GAK: variants seen among roughly 807,000 people sequenced by gnomAD.
GAK encodes the protein cyclin G associated kinase.
GAK carries 79 observed loss-of-function variants against 143.9 expected under a neutral mutation model. That is an observed-to-expected ratio of 0.55 (90% confidence interval 0.46 to 0.66). GAK has a LOEUF of 0.66. GAK is among the 30% of genes least tolerant of loss of function. The pLI, the probability that GAK is intolerant of heterozygous loss-of-function variation, is 0.00. For synonymous variants in GAK, 881 were observed against 765.5 expected (o/e 1.15, Z -2.49); for missense variants, 1,693 against 1,779.7 (o/e 0.95, Z 0.88).
intron 14 of GAK, 137 bp from the exon 15 acceptor site, chr4:882,177 GGAGCTACATAACGT>G: frequency 1.0e-6 from 1 of 984,046 alleles, no homozygotes; most frequent in South Asian, 1.6e-5. Flanking sequence ...ATATGTTTAG[GGAGCTACATAACGT>G]GCCTGCCGAG....
intron 4 of GAK, among the ~76,000 whole-genome samples, chr4:909,857 G>A (rs1054089754): frequency 6.4e-4 from 97 of 152,262 alleles, no homozygotes; most frequent in African/African-American, 1.1e-3. Flanking sequence ...AAACACAAGC[G>A]GCACATCCCC....
At chr4:894,997 A>ATAAAT (rs1442681842) in intron 7 of GAK, among the ~76,000 whole-genome samples, 1 of 90,926 alleles carries the variant, frequency 1.1e-5, no homozygotes, top group African/African-American at 3.6e-5. Context: ...AAATAAATAA[A>ATAAAT]TAAATAAATA....
chr4:925,035 C>T (rs1200798053), intron 1 of GAK, among the ~76,000 whole-genome samples: 1 of 152,116 alleles, frequency 6.6e-6, no homozygotes, highest in Non-Finnish European at 1.5e-5. Context: ...GTACTACAGC[C>T]TGGGCAACAC....
chr4:861,315 G>A (rs945751382), intron 23 of GAK, among the ~76,000 whole-genome samples: 1 of 152,222 alleles, frequency 6.6e-6, no homozygotes, highest in African/African-American at 2.4e-5. Context: ...GGAAGGCCGG[G>A]TGCAGCAGCT....
Position 897,311 on chromosome 4 carries a change from G to A in GAK, c.651+722C>T, listed in dbSNP as rs899497823. On this transcript the variant is annotated intron_variant, in intron 6 of 27. Coordinates refer to ENST00000314167, the MANE Select transcript of GAK (RefSeq NM_005255.4). ...AGGGAATGGGAAAATGAGAGCTTAC[G>A]GAAAGCAGGATAAAGCGCCCTCCAC... is the stretch of plus-strand genomic sequence containing the variant. Among the ~76,000 whole-genome samples the A allele has an allele frequency of 2.6e-5, 4 of 152,198 alleles. No homozygotes were observed. In the East Asian group the frequency reaches 5.8e-4, roughly 22 times the overall value.
intron 4 of GAK, among the ~76,000 whole-genome samples, chr4:907,685 G>A (rs567901827): frequency 6.7e-4 from 102 of 152,312 alleles, no homozygotes; most frequent in African/African-American, 2.2e-3. Flanking sequence ...GCACATCCCC[G>A]GAGCCCGACC....
intron 10 of GAK, 30 bp from the exon 11 acceptor site, chr4:889,000 C>G (rs772628228): frequency 1.3e-6 from 2 of 1,597,788 alleles, no homozygotes; most frequent in Non-Finnish European, 1.7e-6. Context: ...CAGCAGGCCC[C>G]AGGTGCTCGG....
rs562733508 is a variant in GAK at position 902,160 on chromosome 4, C to T, written c.525+2477G>A. The stretch of plus-strand genomic sequence containing the variant: ...GGCTGAGGTAGGAGAATCGCTGGAA[C>T]CCAGGAGGCAGAGGCTGCATGAGCC... On this transcript the variant is annotated intron_variant, in intron 5 of 27. Transcript: ENST00000314167. Among the ~76,000 whole-genome samples, 6 of 151,782 alleles carry T rather than the reference C, an allele frequency of 4.0e-5. No individual in the cohort carries two copies. In the South Asian group the frequency reaches 8.3e-4, roughly 21 times the overall value.
At chr4:913,579 C>A (rs1433310921) in intron 2 of GAK, 28 bp downstream of exon 2, 6 of 1,574,732 alleles carry the variant, frequency 3.8e-6, no homozygotes, top group Non-Finnish European at 4.4e-6. Context: ...CGTCAGAAAT[C>A]CAGAGAAGGC....
chr4:929,013 C>T (rs1725266007), intron 1 of GAK, among the ~76,000 whole-genome samples: 2 of 152,214 alleles, frequency 1.3e-5, no homozygotes, highest in Non-Finnish European at 2.9e-5. Context: ...CCACCCGCCT[C>T]GGCCTCCCAA....
chr4:930,024 G>A (rs1440150782), intron 1 of GAK, among the ~76,000 whole-genome samples: 3 of 152,170 alleles, frequency 2.0e-5, no homozygotes, highest in African/African-American at 7.2e-5. Flanking sequence ...CAGGTTATAT[G>A]CTGCAATGAC....
intron 15 of GAK, among the ~76,000 whole-genome samples, chr4:881,455 C>T (rs888406575): frequency 2.6e-5 from 4 of 152,204 alleles, no homozygotes; most frequent in East Asian, 1.9e-4. Context: ...CTCCTCCACA[C>T]GGCCAGGGAG....
chr4:922,901 G>C (rs1724129620), intron 1 of GAK, among the ~76,000 whole-genome samples: 1 of 152,224 alleles, frequency 6.6e-6, no homozygotes, highest in African/African-American at 2.4e-5. Context: ...AAACAGCCCA[G>C]ATGTCCTTCC....
chr4:916,883 G>C (rs141999548), intron 1 of GAK, among the ~76,000 whole-genome samples: 5 of 152,336 alleles, frequency 3.3e-5, no homozygotes, highest in Non-Finnish European at 7.3e-5. Flanking sequence ...TGCGTAAAGA[G>C]ACTTCTACAC....
intron 23 of GAK, among the ~76,000 whole-genome samples, chr4:863,178 A>G (rs1252224412): frequency 2.0e-5 from 3 of 152,266 alleles, no homozygotes; most frequent in African/African-American, 7.2e-5. Context: ...GGAGTTGAAG[A>G]CTTCAGTGCA....
intron 19 of GAK, 111 bp downstream of exon 19, chr4:870,600 G>T: frequency 2.7e-6 from 3 of 1,110,502 alleles, no homozygotes; most frequent in Non-Finnish European, 4.0e-6. Context: ...CAGGGCCTGG[G>T]TGCAGCAGCA....
At chr4:894,258 G>A (rs1055160125) in intron 7 of GAK, 16 of 359,910 alleles carry the variant, frequency 4.4e-5, no homozygotes, top group Non-Finnish European at 7.0e-5. Context: ...CGCGGGGAGC[G>A]CAGGGGTGAC....
intron 23 of GAK, among the ~76,000 whole-genome samples, chr4:859,973 CATTATG>C (rs1170864669): frequency 6.6e-6 from 1 of 152,180 alleles, no homozygotes; most frequent in Non-Finnish European, 1.5e-5. Context: ...ATGCTCATAT[CATTATG>C]ATTATGATTC....
rs575289163 is a variant in GAK at position 922,451 on chromosome 4, G to T, written c.146-8783C>A. Among the ~76,000 whole-genome samples, 241 of 146,856 alleles carry T rather than the reference G, an allele frequency of 1.6e-3. 1 individual carries two copies. Among genetic ancestry groups the T allele is most frequent in the Non-Finnish European group, 3.1e-3 (207 of 67,062 alleles). On this transcript the variant is annotated intron_variant, in intron 1 of 27. Coordinates refer to ENST00000314167, the MANE Select transcript of GAK (RefSeq NM_005255.4). ...AACTGCTTGAACCCAGGAGGCAGAG[G>T]TTGCAGTGAGCTGAGATTGCGCCAC...
Sources: gnomAD v4.1 joint callset for allele counts (sites outside exome capture counted in the v4.1 genomes callset) on GRCh38, gnomAD v4.1.1 for gene constraint, MANE v1.5 for transcripts, NCBI Gene and HGNC (gene_info 2026-07-23, HGNC 2026-07-21) for gene names.